Variants in HS6ST3 observed in about 807,000 individuals in gnomAD.
HS6ST3 encodes heparan-sulfate 6-O-sulfotransferase 3.
In HS6ST3, 12 loss-of-function variants were observed where a neutral mutation model predicts 36.7. The ratio of observed to expected loss-of-function variants is 0.33; its 90% CI spans 0.21 to 0.53. The LOEUF (loss-of-function observed/expected upper bound fraction) is 0.53. Ranked by LOEUF, HS6ST3 falls within the 20% of genes least tolerant of loss-of-function variation. HS6ST3 has a pLI of 0.95. For synonymous variants in HS6ST3, 240 were observed against 257.5 expected (o/e 0.93, Z 0.65); for missense variants, 584 against 640.9 (o/e 0.91, Z 0.96).
intron 1 of HS6ST3, among the ~76,000 whole-genome samples, chr13:96,767,539 A>G (rs754563334): frequency 2.0e-5 from 3 of 152,242 alleles, no homozygotes; most frequent in Non-Finnish European, 4.4e-5. Flanking sequence ...CCTGTTATAC[A>G]TCTTGTACAC....
At chr13:96,307,638 A>G (rs2054920314) in intron 1 of HS6ST3, among the ~76,000 whole-genome samples, 1 of 152,112 alleles carries the variant, frequency 6.6e-6, no homozygotes, top group Admixed American at 6.6e-5. Flanking sequence ...AATTCTAGTA[A>G]TAAGATATCT....
intron 1 of HS6ST3, among the ~76,000 whole-genome samples, chr13:96,680,232 CA>C (rs1389473838): frequency 1.3e-5 from 2 of 152,140 alleles, no homozygotes; most frequent in Non-Finnish European, 2.9e-5. Context: ...TTCCTGATGG[CA>C]TCTAGGATCC....
chr13:96,337,776 T>G (rs1231388564), intron 1 of HS6ST3, among the ~76,000 whole-genome samples: 1 of 152,114 alleles, frequency 6.6e-6, no homozygotes, highest in Non-Finnish European at 1.5e-5. Context: ...GTTTTTTTCT[T>G]TTGGGGGCAA....
chr13:96,765,096 T>C lies in HS6ST3; in HGVS notation c.708-67394T>C, dbSNP rs1187544456. ...TTTTTTTTTTTTTTGAGACGGAGTC[T>C]CGCTCTGTCGCCCACGCCGGACTGC... On this transcript the variant is annotated intron_variant, in intron 1 of 1. Coordinates refer to ENST00000376705, the MANE Select transcript of HS6ST3 (RefSeq NM_153456.4). Among the ~76,000 whole-genome samples the C allele has an allele frequency of 4.4e-4, 60 of 136,906 alleles. 1 individual carries two copies. The highest frequency in any genetic ancestry group is 1.6e-3 in the African/African-American group (60 of 36,778). 89.8% of individuals were successfully genotyped at this position (136,906 alleles called of 152,430 possible).
At position 96,587,953 on chromosome 13, in the gene HS6ST3, A is replaced by G. The variant is rs140107237; in HGVS notation, c.708-244537A>G. Among the ~76,000 whole-genome samples, 254 of 152,328 alleles carry G rather than the reference A, an allele frequency of 1.7e-3. 5 individuals carry two copies. The highest frequency in any genetic ancestry group is 5.9e-3 in the African/African-American group (245 of 41,578). On this transcript the variant is annotated intron_variant, in intron 1 of 1. Transcript: ENST00000376705. ...TCATCAATGTTTTACAGTTTTCAGT[A>G]TGGAGATATTTTACCTGCTTGGTTA...
chr13:96,158,125 G>A (rs1429010571), intron 1 of HS6ST3, among the ~76,000 whole-genome samples: 1 of 152,168 alleles, frequency 6.6e-6, no homozygotes, highest in Non-Finnish European at 1.5e-5. Flanking sequence ...AAGGTTAAGA[G>A]CGATGTAAAG....
intron 1 of HS6ST3, among the ~76,000 whole-genome samples, chr13:96,128,720 C>G (rs1490979151): frequency 2.6e-5 from 4 of 152,160 alleles, no homozygotes; most frequent in Non-Finnish European, 5.9e-5. Context: ...TCTCTCTCTT[C>G]CAAAAACTAG....
chr13:96,478,886 ACT>A (rs2055876646), intron 1 of HS6ST3, among the ~76,000 whole-genome samples: 1 of 152,064 alleles, frequency 6.6e-6, no homozygotes, highest in Non-Finnish European at 1.5e-5. Context: ...GATTGATTAG[ACT>A]CTTAAATCCT....
intron 1 of HS6ST3, among the ~76,000 whole-genome samples, chr13:96,534,887 G>A (rs1045130576): frequency 2.6e-5 from 4 of 152,202 alleles, no homozygotes; most frequent in African/African-American, 9.6e-5. Flanking sequence ...TTGAACCCAG[G>A]AGGCAGAGGT....
At chr13:96,600,729 T>A (rs2056418378) in intron 1 of HS6ST3, among the ~76,000 whole-genome samples, 1 of 152,098 alleles carries the variant, frequency 6.6e-6, no homozygotes, top group Non-Finnish European at 1.5e-5. Flanking sequence ...CTAGTTGCTT[T>A]GTTTTTTTCA....
intron 1 of HS6ST3, among the ~76,000 whole-genome samples, chr13:96,695,911 A>G (rs909829230): frequency 6.6e-6 from 1 of 152,152 alleles, no homozygotes; most frequent in Non-Finnish European, 1.5e-5. Context: ...CTGAATCCAA[A>G]TGTTAAACTA....
rs1161107668 is a variant in HS6ST3, at chr13:96,273,597, T to C, written c.707+182028T>C. On this transcript the variant is annotated intron_variant, in intron 1 of 1. Transcript: ENST00000376705. ...GCTACTGAGGCTTGGAGTTGTTTGT[T>C]GCTGATGCATAACCTCTTTAGACTG... Among the ~76,000 whole-genome samples, 29 of 152,008 alleles carry C rather than the reference T, an allele frequency of 1.9e-4. 1 individual carries two copies. The highest frequency in any genetic ancestry group is 1.9e-3 in the Admixed American group (29 of 15,260).
intron 1 of HS6ST3, among the ~76,000 whole-genome samples, chr13:96,271,261 T>C (rs4381453): frequency 0.97 from 147,543 of 152,044 alleles, 71,647 homozygotes; most frequent in East Asian, 1. Context: ...GATGCAAATA[T>C]GTGTGTGAAG....
At chr13:96,827,286 G>A (rs1480765375) in intron 1 of HS6ST3, among the ~76,000 whole-genome samples, 1 of 152,160 alleles carries the variant, frequency 6.6e-6, no homozygotes, top group Non-Finnish European at 1.5e-5. Flanking sequence ...ACAGATTGAA[G>A]GTGGGGGCAT....
chr13:96,235,538 C>A (rs1476287948), intron 1 of HS6ST3, among the ~76,000 whole-genome samples: 1 of 152,116 alleles, frequency 6.6e-6, no homozygotes, highest in Non-Finnish European at 1.5e-5. Flanking sequence ...ATCTAAAATA[C>A]CAACAAAAAG....
intron 1 of HS6ST3, among the ~76,000 whole-genome samples, chr13:96,804,950 C>T (rs749979646): frequency 6.6e-6 from 1 of 152,180 alleles, no homozygotes; most frequent in Non-Finnish European, 1.5e-5. Flanking sequence ...TAATAACTCA[C>T]CTTGTTTCAC....
intron 1 of HS6ST3, among the ~76,000 whole-genome samples, chr13:96,537,400 C>T (rs1439618946): frequency 6.6e-6 from 1 of 152,182 alleles, no homozygotes. Flanking sequence ...TAAACCATAT[C>T]ACCTCCTATA....
intron 1 of HS6ST3, among the ~76,000 whole-genome samples, chr13:96,411,454 C>T (rs1194017093): frequency 6.6e-6 from 1 of 152,130 alleles, no homozygotes; most frequent in Non-Finnish European, 1.5e-5. Context: ...GATAACATGG[C>T]AAATTCTGGT....
chr13:96,525,315 C>A (rs1308631408), intron 1 of HS6ST3, among the ~76,000 whole-genome samples: 1 of 152,076 alleles, frequency 6.6e-6, no homozygotes, highest in Non-Finnish European at 1.5e-5. Flanking sequence ...ATTGTTGGCA[C>A]CTGCTAGAAT....
Sources: allele counts gnomAD v4.1 joint callset (sites outside exome capture counted in the v4.1 genomes callset), GRCh38; gene constraint gnomAD v4.1.1; transcripts MANE v1.5; gene names NCBI Gene and HGNC (gene_info 2026-07-23, HGNC 2026-07-21).